CSF1R: variants seen among roughly 807,000 people sequenced by gnomAD.
The protein encoded by CSF1R is colony stimulating factor 1 receptor, also known as macrophage colony-stimulating factor 1 receptor.
Under a neutral mutation model 110.0 loss-of-function variants are expected in CSF1R, and 40 were observed. The observed-to-expected ratio is 0.36, with a 90% CI of 0.28 to 0.47. The LOEUF (loss-of-function observed/expected upper bound fraction) is 0.47. CSF1R is among the 20% of genes least tolerant of loss of function. The pLI, the probability that CSF1R is intolerant of heterozygous loss-of-function variation, is 0.99. For synonymous variants in CSF1R, 523 were observed against 503.4 expected (o/e 1.04, Z -0.52); for missense variants, 1,052 against 1,253.0 (o/e 0.84, Z 2.42).
chr5:150,062,660 C>G (rs530761001), intron 10 of CSF1R, among the ~76,000 whole-genome samples: 1 of 152,354 alleles, frequency 6.6e-6, no homozygotes, highest in African/African-American at 2.4e-5. Context: ...CTATTTGTGT[C>G]AGGCACCGCT....
At chr5:150,054,487 A>AC in intron 19 of CSF1R, 57 bp from the exon 20 acceptor site, 10 of 1,450,636 alleles carry the variant, frequency 6.9e-6, no homozygotes, top group Non-Finnish European at 8.5e-6. Context: ...AGGGGCCATT[A>AC]ACACACACCC....
At chr5:150,095,560 A>G (rs914435039) in intron 1 of CSF1R, among the ~76,000 whole-genome samples, 2 of 152,300 alleles carry the variant, frequency 1.3e-5, no homozygotes, top group South Asian at 4.1e-4. Context: ...ATTAGAAAAT[A>G]TTTTGAATTG....
At chr5:150,093,026 C>T (rs982036103) in intron 1 of CSF1R, among the ~76,000 whole-genome samples, 14 of 152,016 alleles carry the variant, frequency 9.2e-5, no homozygotes, top group East Asian at 3.9e-4. Context: ...CTATGAAAAA[C>T]GGGAAGAAAG....
chr5:150,106,404 G>A (rs1314158604), intron 1 of CSF1R, among the ~76,000 whole-genome samples: 1 of 152,094 alleles, frequency 6.6e-6, no homozygotes, highest in Non-Finnish European at 1.5e-5. Context: ...GGACAGCTTA[G>A]CCCCCACCCT....
chr5:150,057,343 G>A lies in CSF1R; in HGVS notation c.2263C>T (p.Leu755=), dbSNP rs753256015. ...EDGRPLELRD[L]LHFSSQVAQG... is the part of the protein sequence containing the mutation. Reference sequence around the variant, plus strand: ...GCTACTTGGCTGGAGAAGTGAAGCAGGTCCCGGAGCTCCAGGGGCCGTCCA... The same window carrying A: ...GCTACTTGGCTGGAGAAGTGAAGCAAGTCCCGGAGCTCCAGGGGCCGTCCA... Residue 755 remains leucine, a synonymous_variant, in exon 16 of 21, where the codon CTG becomes TTG. Transcript: ENST00000675795. 1.5e-5 allele frequency: 25 copies of A among 1,614,076 alleles called. No individual in the cohort carries two copies. The South Asian group carries it at 1.8e-4, about 11-fold the overall frequency.
intron 10 of CSF1R, among the ~76,000 whole-genome samples, chr5:150,065,586 G>A (rs1757729450): frequency 1.3e-5 from 2 of 152,228 alleles, no homozygotes. Flanking sequence ...CCCAGTGAAG[G>A]GGCAAGGCTC....
chr5:150,083,222 C>A (rs953127761), intron 1 of CSF1R, among the ~76,000 whole-genome samples: 1 of 151,496 alleles, frequency 6.6e-6, no homozygotes, highest in Non-Finnish European at 1.5e-5. Flanking sequence ...CCTGTCCATT[C>A]TTCCCCCCTC....
chr5:150,065,470 G>T (rs563939282), intron 10 of CSF1R, among the ~76,000 whole-genome samples: 1 of 152,198 alleles, frequency 6.6e-6, no homozygotes, highest in Non-Finnish European at 1.5e-5. Context: ...GGTCACTCTG[G>T]GGGACAGAAA....
chr5:150,079,551 C>T (rs1389538641), intron 3 of CSF1R, among the ~76,000 whole-genome samples: 1 of 152,232 alleles, frequency 6.6e-6, no homozygotes, highest in Non-Finnish European at 1.5e-5. Context: ...CAGCACTTGG[C>T]CTTAGGCAGG....
At chr5:150,071,324 T>C (rs1338724768) in intron 6 of CSF1R, among the ~76,000 whole-genome samples, 1 of 152,208 alleles carries the variant, frequency 6.6e-6, no homozygotes, top group African/African-American at 2.4e-5. Context: ...TTGTCCATAA[T>C]GAACATGTGT....
At chr5:150,064,869 G>A (rs1197340208) in intron 10 of CSF1R, among the ~76,000 whole-genome samples, 1 of 152,170 alleles carries the variant, frequency 6.6e-6, no homozygotes, top group Non-Finnish European at 1.5e-5. Context: ...CCCCTGCTGG[G>A]CATGTAAACC....
At chr5:150,097,378 A>G (rs1013701628) in intron 1 of CSF1R, among the ~76,000 whole-genome samples, 7 of 151,782 alleles carry the variant, frequency 4.6e-5, no homozygotes, top group Non-Finnish European at 8.8e-5. Flanking sequence ...AGAGAAGGAA[A>G]GAAGGAAAAG....
rs76893359 is a variant in CSF1R, at chr5:150,106,120, G to A, written c.-181+7141C>T. ...AGCAGTGGGTGTGCTGACCGCTAGT[G>A]GACACAGAGTGGGGAAGTGCCATGG... On this transcript the variant is annotated intron_variant, in intron 1 of 21. Transcript: ENST00000286301. 5.5e-3 allele frequency among the ~76,000 whole-genome samples: 835 copies of A among 152,336 alleles called. 5 individuals carry two copies. Among genetic ancestry groups the A allele is most frequent in the African/African-American group, 0.019 (791 of 41,568 alleles).
At chr5:150,069,176 T>C (rs552622707) in intron 9 of CSF1R, among the ~76,000 whole-genome samples, 1 of 152,282 alleles carries the variant, frequency 6.6e-6, no homozygotes, top group African/African-American at 2.4e-5. Flanking sequence ...GGCCAGCAGC[T>C]GGGGACGTGA....
chr5:150,071,512 C>T (rs1445635758), intron 6 of CSF1R, among the ~76,000 whole-genome samples: 1 of 152,218 alleles, frequency 6.6e-6, no homozygotes. Context: ...TGGGCATATA[C>T]AAGGCCTCTG....
At chr5:150,106,173 G>T (rs1353634142) in intron 1 of CSF1R, among the ~76,000 whole-genome samples, 1 of 152,248 alleles carries the variant, frequency 6.6e-6, no homozygotes, top group East Asian at 1.9e-4. Flanking sequence ...CCTGACTGAG[G>T]AAGCCTTGGT....
intron 6 of CSF1R, among the ~76,000 whole-genome samples, chr5:150,071,579 T>A (rs1283994080): frequency 6.6e-6 from 1 of 152,192 alleles, no homozygotes; most frequent in Non-Finnish European, 1.5e-5. Context: ...TTGACTTTTT[T>A]GGATAATTGA....
At chr5:150,111,314 C>T (rs1759710948) in intron 1 of CSF1R, among the ~76,000 whole-genome samples, 1 of 152,080 alleles carries the variant, frequency 6.6e-6, no homozygotes, top group Non-Finnish European at 1.5e-5. Context: ...GTCCAAGTGG[C>T]TCATCTGTCT....
intron 5 of CSF1R, among the ~76,000 whole-genome samples, chr5:150,076,723 A>G (rs1171514626): frequency 6.6e-6 from 1 of 152,104 alleles, no homozygotes; most frequent in Non-Finnish European, 1.5e-5. Context: ...AGTGTTCCAA[A>G]TGATCTATGT....
Sources: allele counts gnomAD v4.1 joint callset (sites outside exome capture counted in the v4.1 genomes callset), GRCh38; gene constraint gnomAD v4.1.1; transcripts MANE v1.5; gene names NCBI Gene and HGNC (gene_info 2026-07-23, HGNC 2026-07-21).